CPA6: variants seen among roughly 807,000 people sequenced by gnomAD.
The protein encoded by CPA6 is carboxypeptidase B.
CPA6 carries 58 observed loss-of-function variants against 63.3 expected under a neutral mutation model. That is an observed-to-expected ratio of 0.92 (90% CI 0.74 to 1.14). CPA6 has a LOEUF of 1.14. Ranked by LOEUF, CPA6 falls within the 50% of genes most tolerant of loss-of-function variation. CPA6 has a pLI of 0.00. For synonymous variants in CPA6, 185 were observed against 179.0 expected, an observed-to-expected ratio of 1.03 and a Z score of -0.27; for missense variants, 565 against 526.6, an observed-to-expected ratio of 1.07 and a Z score of -0.71.
At chr8:67,579,155 A>AGG (rs1364376248) in intron 2 of CPA6, among the ~76,000 whole-genome samples, 135 of 152,392 alleles carry the variant, frequency 8.9e-4, no homozygotes, top group African/African-American at 3.0e-3. Context: ...TCACGCCTGT[A>AGG]ATCCCAGCAC....
chr8:67,605,507 T>C (rs1001630134), intron 2 of CPA6, among the ~76,000 whole-genome samples: 1 of 150,118 alleles, frequency 6.7e-6, no homozygotes, highest in Non-Finnish European at 1.5e-5. Flanking sequence ...TTTTAAAAAT[T>C]TGTATTTTTG....
intron 1 of CPA6, among the ~76,000 whole-genome samples, chr8:67,659,374 G>A (rs76401960): frequency 5.6e-4 from 85 of 152,254 alleles, no homozygotes; most frequent in African/African-American, 1.9e-3. Flanking sequence ...CTATATATGC[G>A]TAACTCAGCA....
At chr8:67,718,730 T>A (rs1001079244) in intron 1 of CPA6, among the ~76,000 whole-genome samples, 2 of 149,590 alleles carry the variant, frequency 1.3e-5, no homozygotes, top group Non-Finnish European at 3.0e-5. Flanking sequence ...CACTGCAAAC[T>A]CCAACTCCCA....
chr8:67,619,636 G>A (rs1022317440), intron 2 of CPA6, among the ~76,000 whole-genome samples: 6 of 152,116 alleles, frequency 3.9e-5, no homozygotes, highest in African/African-American at 1.4e-4. Context: ...GGACCTTTCT[G>A]CCCAAGAGTT....
intron 1 of CPA6, among the ~76,000 whole-genome samples, chr8:67,681,195 A>ATTTTATTTTTTTTT (rs1554533441): frequency 1.0e-5 from 1 of 97,150 alleles, no homozygotes; most frequent in East Asian, 2.6e-4. Flanking sequence ...GGTCACAAAG[A>ATTTTATTTTTTTTT]TTTTCTTTTT....
intron 2 of CPA6, among the ~76,000 whole-genome samples, chr8:67,561,970 G>A (rs1813223756): frequency 6.6e-6 from 1 of 152,192 alleles, no homozygotes; most frequent in Non-Finnish European, 1.5e-5. Flanking sequence ...ATTAGCAATT[G>A]CCTAGATGAT....
intron 1 of CPA6, among the ~76,000 whole-genome samples, chr8:67,675,561 C>T (rs1459619752): frequency 6.6e-6 from 1 of 152,176 alleles, no homozygotes; most frequent in African/African-American, 2.4e-5. Flanking sequence ...AGAGAGGCCC[C>T]TATTGCCCGA....
At chr8:67,627,102 G>A (rs1308911965) in intron 1 of CPA6, among the ~76,000 whole-genome samples, 1 of 152,146 alleles carries the variant, frequency 6.6e-6, no homozygotes, top group Non-Finnish European at 1.5e-5. Flanking sequence ...TCAAAGGACA[G>A]AGAATAAGGA....
intron 1 of CPA6, among the ~76,000 whole-genome samples, chr8:67,631,136 C>A (rs576084352): frequency 2.0e-5 from 3 of 152,352 alleles, no homozygotes; most frequent in South Asian, 2.1e-4. Flanking sequence ...CAGCTCCACC[C>A]GTGGCCCCGG....
chr8:67,626,305 G>A (rs1180849471), intron 1 of CPA6, among the ~76,000 whole-genome samples: 1 of 152,154 alleles, frequency 6.6e-6, no homozygotes, highest in Non-Finnish European at 1.5e-5. Flanking sequence ...GACTTGCTGG[G>A]CAATGATTTT....
intron 2 of CPA6, among the ~76,000 whole-genome samples, chr8:67,610,039 C>T (rs1033023002): frequency 6.6e-6 from 1 of 151,088 alleles, no homozygotes; most frequent in Non-Finnish European, 1.5e-5. Context: ...CAAAACAAAA[C>T]AAAACAAAAC....
chr8:67,558,520 C>T (rs772841856), intron 2 of CPA6, among the ~76,000 whole-genome samples: 1 of 152,104 alleles, frequency 6.6e-6, no homozygotes, highest in African/African-American at 2.4e-5. Context: ...TACTTTTATC[C>T]TACAAATGAA....
At chr8:67,720,719 G>T (rs758515229) in intron 1 of CPA6, among the ~76,000 whole-genome samples, 2 of 152,128 alleles carry the variant, frequency 1.3e-5, no homozygotes, top group African/African-American at 4.8e-5. Context: ...ATTTTATATC[G>T]CCGCATTGTG....
At chr8:67,681,667 T>G (rs2128996013) in intron 1 of CPA6, among the ~76,000 whole-genome samples, 1 of 152,314 alleles carries the variant, frequency 6.6e-6, no homozygotes, top group Admixed American at 6.5e-5. Flanking sequence ...AAAACTATCC[T>G]TTTTTTACTT....
At chr8:67,527,953 TC>T (rs1027925787) in intron 2 of CPA6, among the ~76,000 whole-genome samples, 1 of 152,162 alleles carries the variant, frequency 6.6e-6, no homozygotes, top group Admixed American at 6.6e-5. Context: ...GTGCGGAGGA[TC>T]CGGAGATGGT....
At chr8:67,692,633 G>A (rs1293007659) in intron 1 of CPA6, among the ~76,000 whole-genome samples, 1 of 152,108 alleles carries the variant, frequency 6.6e-6, no homozygotes, top group African/African-American at 2.4e-5. Flanking sequence ...TTTCAAAAGT[G>A]TGCAGGATAA....
At chr8:67,495,319 T>A (rs1433931192) in intron 6 of CPA6, among the ~76,000 whole-genome samples, 1 of 152,166 alleles carries the variant, frequency 6.6e-6, no homozygotes, top group African/African-American at 2.4e-5. Flanking sequence ...TGCCTTCTTT[T>A]GTGTCTGTCT....
chr8:67,596,605 G>A (rs888750599), intron 2 of CPA6, among the ~76,000 whole-genome samples: 2 of 149,368 alleles, frequency 1.3e-5, no homozygotes, highest in African/African-American at 5.0e-5. Flanking sequence ...AATTTAAGTT[G>A]TATTTCACAA....
chr8:67,681,572 A>AT (rs202241189), intron 1 of CPA6, among the ~76,000 whole-genome samples: 16 of 149,708 alleles, frequency 1.1e-4, no homozygotes, highest in South Asian at 4.2e-4. Context: ...AATCCATTTT[A>AT]TTTTTTTTTC....
Sources: gnomAD v4.1 joint callset for allele counts (sites outside exome capture counted in the v4.1 genomes callset) on GRCh38, gnomAD v4.1.1 for gene constraint, MANE v1.5 for transcripts, NCBI Gene and HGNC (gene_info 2026-07-23, HGNC 2026-07-21) for gene names.